Variants in KCTD8 observed in about 807,000 individuals in gnomAD.
KCTD8 encodes BTB/POZ domain-containing protein KCTD8.
Under a neutral mutation model 31.5 loss-of-function variants are expected in KCTD8, and 27 were observed. That is an observed-to-expected ratio of 0.86 (90% CI 0.63 to 1.18). The LOEUF (loss-of-function observed/expected upper bound fraction) is 1.18, where lower values mean the gene tolerates loss of function less well. Ranked by LOEUF, KCTD8 falls within the 50% of genes most tolerant of loss-of-function variation. The pLI, the probability that KCTD8 is intolerant of heterozygous loss-of-function variation, is 0.00. For missense variants in KCTD8, 658 were observed against 647.7 expected, an observed-to-expected ratio of 1.02 and a Z score of -0.17; for synonymous variants, 290 against 280.0, an observed-to-expected ratio of 1.04 and a Z score of -0.36.
intron 1 of KCTD8, chr4:44,293,920 T>A (rs1324948477): frequency 2.7e-6 from 1 of 374,880 alleles, no homozygotes; most frequent in East Asian, 7.5e-5. Context: ...ATTTATCATT[T>A]GTTTAACAAT....
intron 1 of KCTD8, among the ~76,000 whole-genome samples, chr4:44,340,465 ATT>A (rs781054339): frequency 1.4e-4 from 19 of 137,566 alleles, no homozygotes; most frequent in Admixed American, 1.5e-4. Context: ...TGCCTGGCTA[ATT>A]TTTTTTTTTT....
intron 1 of KCTD8, among the ~76,000 whole-genome samples, chr4:44,336,828 G>T (rs1263129249): frequency 6.6e-6 from 1 of 151,878 alleles, no homozygotes; most frequent in Non-Finnish European, 1.5e-5. Context: ...ATTAATTAGT[G>T]CTTTGTTTTT....
At chr4:44,282,131 GT>G (rs1716919723) in intron 1 of KCTD8, among the ~76,000 whole-genome samples, 1 of 151,966 alleles carries the variant, frequency 6.6e-6, no homozygotes, top group Non-Finnish European at 1.5e-5. Context: ...CTTCACAGAT[GT>G]TGTGTTTTTT....
intron 1 of KCTD8, among the ~76,000 whole-genome samples, chr4:44,282,623 A>C (rs1012634650): frequency 1.3e-5 from 2 of 152,130 alleles, no homozygotes; most frequent in Non-Finnish European, 2.9e-5. Context: ...CAAACAGCCC[A>C]AGTTGTGAAT....
intron 1 of KCTD8, among the ~76,000 whole-genome samples, chr4:44,351,637 C>T (rs1005966973): frequency 1.3e-5 from 2 of 152,040 alleles, no homozygotes; most frequent in Non-Finnish European, 2.9e-5. Context: ...TTAAGGTTCA[C>T]ATTCTCTAAC....
intron 1 of KCTD8, among the ~76,000 whole-genome samples, chr4:44,425,695 G>T (rs1721328772): frequency 6.6e-6 from 1 of 151,944 alleles, no homozygotes; most frequent in Non-Finnish European, 1.5e-5. Context: ...ATACTGGGGA[G>T]GCAGTATTTA....
At chr4:44,408,271 A>G (rs1720852933) in intron 1 of KCTD8, among the ~76,000 whole-genome samples, 1 of 152,198 alleles carries the variant, frequency 6.6e-6, no homozygotes, top group Non-Finnish European at 1.5e-5. Context: ...CATCTATTAA[A>G]TATTAAATCC....
At chr4:44,184,842 G>A (rs569568014) in intron 1 of KCTD8, among the ~76,000 whole-genome samples, 1 of 152,172 alleles carries the variant, frequency 6.6e-6, no homozygotes, top group African/African-American at 2.4e-5. Flanking sequence ...AATTAGTCCC[G>A]AGGTCACACT....
chr4:44,282,482 C>T (rs1393281562), intron 1 of KCTD8, among the ~76,000 whole-genome samples: 1 of 152,064 alleles, frequency 6.6e-6, no homozygotes, highest in Admixed American at 6.6e-5. Context: ...AATAAACCTA[C>T]AATGTCCTCT....
intron 1 of KCTD8, among the ~76,000 whole-genome samples, chr4:44,288,214 T>C (rs1484116792): frequency 6.6e-6 from 1 of 152,092 alleles, no homozygotes; most frequent in African/African-American, 2.4e-5. Context: ...TTAGAAGAAG[T>C]TGAGAAATGG....
At chr4:44,221,882 C>T (rs1301851383) in intron 1 of KCTD8, among the ~76,000 whole-genome samples, 1 of 152,128 alleles carries the variant, frequency 6.6e-6, no homozygotes, top group African/African-American at 2.4e-5. Flanking sequence ...CTCACAGACA[C>T]ACCCCGGAAC....
chr4:44,298,117 A>G (rs1216999433), intron 1 of KCTD8, among the ~76,000 whole-genome samples: 1 of 152,148 alleles, frequency 6.6e-6, no homozygotes. Context: ...TGATAATTGT[A>G]ATGAAAAATA....
At chr4:44,348,583 A>G (rs1276589614) in intron 1 of KCTD8, among the ~76,000 whole-genome samples, 3 of 152,170 alleles carry the variant, frequency 2.0e-5, no homozygotes, top group African/African-American at 7.2e-5. Context: ...TTTTATTTGT[A>G]TACTAATTCC....
chr4:44,405,495 G>A (rs532785769), intron 1 of KCTD8, among the ~76,000 whole-genome samples: 2 of 152,036 alleles, frequency 1.3e-5, no homozygotes, highest in African/African-American at 4.8e-5. Context: ...TTGAGCTCAT[G>A]ATGAGCTCGT....
chr4:44,366,625 A>G (rs887959179), intron 1 of KCTD8, among the ~76,000 whole-genome samples: 7 of 152,146 alleles, frequency 4.6e-5, no homozygotes, highest in Non-Finnish European at 8.8e-5. Context: ...GGACTAATAC[A>G]GAGATGTAGC....
chr4:44,239,990 T>C (rs1225674007), intron 1 of KCTD8, among the ~76,000 whole-genome samples: 1 of 152,288 alleles, frequency 6.6e-6, no homozygotes, highest in South Asian at 2.1e-4. Flanking sequence ...CCTGGATGGA[T>C]TTAGTGATAA....
At chr4:44,355,940 C>CTAAAGT (rs5857955) in intron 1 of KCTD8, among the ~76,000 whole-genome samples, 122,570 of 151,442 alleles carry the variant, frequency 0.81, 49,838 homozygotes, top group South Asian at 0.87. Flanking sequence ...CATTTTATAG[C>CTAAAGT]TAAATTGCAA....
Position 44,397,569 on chromosome 4 carries a change from C to T in KCTD8, c.961+49994G>A, listed in dbSNP as rs746191511. 7.9e-5 allele frequency among the ~76,000 whole-genome samples: 12 copies of T among 152,110 alleles called. 1 individual carries two copies. The South Asian group carries it at 1.0e-3, about 13-fold the overall frequency. ...CATACTTAAAGCACAAAATTTTAAG[C>T]GGAGGAACCAAGTCTTAAAGAGATT... On this transcript the variant is annotated intron_variant, in intron 1 of 1. Coordinates refer to ENST00000360029, the MANE Select transcript of KCTD8 (RefSeq NM_198353.3).
intron 1 of KCTD8, among the ~76,000 whole-genome samples, chr4:44,285,552 A>G (rs1717038999): frequency 6.6e-6 from 1 of 152,132 alleles, no homozygotes; most frequent in African/African-American, 2.4e-5. Context: ...GCAAACCACC[A>G]TGGCGTATGT....
Sources: gnomAD v4.1 joint callset for allele counts (sites outside exome capture counted in the v4.1 genomes callset) on GRCh38, gnomAD v4.1.1 for gene constraint, MANE v1.5 for transcripts, NCBI Gene and HGNC (gene_info 2026-07-23, HGNC 2026-07-21) for gene names.